Variants in TUSC3 observed in about 807,000 individuals in gnomAD.
TUSC3 encodes the protein dolichyl-diphosphooligosaccharide--protein glycosyltransferase subunit TUSC3.
Under a neutral mutation model 44.8 loss-of-function variants are expected in TUSC3, and 45 were observed. The observed-to-expected ratio is 1.00, with a 90% CI of 0.79 to 1.29. The LOEUF is 1.29. TUSC3 is among the 50% of genes most tolerant of loss of function. The pLI, the probability that TUSC3 is intolerant of heterozygous loss-of-function variation, is 0.00. For missense variants in TUSC3, 519 were observed against 437.9 expected, an observed-to-expected ratio of 1.19 and a Z score of -1.65; for synonymous variants, 212 against 152.9, an observed-to-expected ratio of 1.39 and a Z score of -2.85.
At chr8:15,583,576 T>C (rs1427779541) in intron 1 of TUSC3, among the ~76,000 whole-genome samples, 3 of 152,210 alleles carry the variant, frequency 2.0e-5, no homozygotes, top group East Asian at 1.9e-4. Context: ...ATGGTAAATA[T>C]ATGCATTCAA....
chr8:15,727,586 C>T (rs1384355179), intron 6 of TUSC3, among the ~76,000 whole-genome samples: 1 of 151,794 alleles, frequency 6.6e-6, no homozygotes, highest in Non-Finnish European at 1.5e-5. Flanking sequence ...AAGACACACA[C>T]AAAAAAAGAA....
At chr8:15,802,900 A>C in the TUSC3 span, among the ~76,000 whole-genome samples, 1 of 152,332 alleles carries the variant, frequency 6.6e-6, no homozygotes, top group Non-Finnish European at 1.5e-5. Flanking sequence ...GTTTTCTTAA[A>C]AAAATCAAGA....
intron 1 of TUSC3, among the ~76,000 whole-genome samples, chr8:15,615,370 C>G (rs1302795225): frequency 6.6e-6 from 1 of 152,142 alleles, no homozygotes; most frequent in Non-Finnish European, 1.5e-5. Flanking sequence ...AAAAGACAAA[C>G]ATCACATGTT....
intron 1 of TUSC3, among the ~76,000 whole-genome samples, chr8:15,566,141 CA>C (rs1802662421): frequency 6.6e-6 from 1 of 152,114 alleles, no homozygotes; most frequent in African/African-American, 2.4e-5. Flanking sequence ...CTTCTCTAGA[CA>C]ACGTTATCAG....
intron 1 of TUSC3, among the ~76,000 whole-genome samples, chr8:15,464,988 T>G (rs1483254499): frequency 6.6e-6 from 1 of 152,122 alleles, no homozygotes; most frequent in African/African-American, 2.4e-5. Context: ...TAGGTGGGAT[T>G]ACAGGCACCT....
At position 15,658,851 on chromosome 8, in the gene TUSC3, G is replaced by T. The variant is rs34502303; in HGVS notation, c.427-656G>T. On this transcript the variant is annotated intron_variant, in intron 3 of 10. Coordinates refer to ENST00000503731, the MANE Select transcript of TUSC3 (RefSeq NM_006765.4). The stretch of plus-strand genomic sequence containing the variant: ...TATACTTTTCAAATGGAAATTACCT[G>T]TAGAAAATATTTCTGAAATATAATC... Among the ~76,000 whole-genome samples, 740 of 151,970 alleles carry T rather than the reference G, an allele frequency of 4.9e-3. 6 individuals carry two copies. The highest frequency in any genetic ancestry group is 0.017 in the African/African-American group (703 of 41,504).
rs540307925 is a variant in TUSC3, at chr8:15,514,528, A to G, written n.189+31045A>G. ...TGAACTGTAGACTTACCTTACAATC[A>G]TGCTGAAAACGGAACTCCGCTTCTT... is the stretch of plus-strand genomic sequence containing the variant. On this transcript the variant is annotated intron_variant and non_coding_transcript_variant, in intron 2 of 5. Coordinates refer to the TUSC3 transcript ENST00000503191. Among the ~76,000 whole-genome samples, 245 of 152,296 alleles carry G rather than the reference A, an allele frequency of 1.6e-3. 3 individuals are homozygous for G. Among genetic ancestry groups the G allele is most frequent in the African/African-American group, 5.7e-3 (235 of 41,578 alleles).
chr8:15,548,581 G>A (rs941498221), intron 1 of TUSC3, among the ~76,000 whole-genome samples: 5 of 151,730 alleles, frequency 3.3e-5, no homozygotes, highest in African/African-American at 1.2e-4. Flanking sequence ...GGAAGAACTG[G>A]GTACTTGATG....
chr8:15,677,665 G>C (rs1030490533), intron 6 of TUSC3, among the ~76,000 whole-genome samples: 2 of 152,252 alleles, frequency 1.3e-5, no homozygotes, highest in African/African-American at 4.8e-5. Context: ...AAAACTGGTA[G>C]ATAGCAGTGC....
the TUSC3 span, among the ~76,000 whole-genome samples, chr8:15,851,981 T>A: frequency 3.9e-5 from 6 of 152,228 alleles, no homozygotes; most frequent in East Asian, 1.2e-3. Context: ...TCTCATTTTT[T>A]CTCTTGTCTC....
rs578215335 is a variant in TUSC3, at chr8:15,546,578, C to T, written c.138+6010C>T. On this transcript the variant is annotated intron_variant, in intron 1 of 10. Transcript: ENST00000503731. The stretch of plus-strand genomic sequence containing the variant: ...GAGACAGAGTTTTGCTCTTGTTGCC[C>T]AGGCTGGAGTGCAATGGCGCAAACT... Among the ~76,000 whole-genome samples, 6 of 151,634 alleles carry T rather than the reference C, an allele frequency of 4.0e-5. No homozygotes were observed. In the East Asian group the frequency reaches 1.2e-3, roughly 30 times the overall value.
chr8:15,622,073 G>T (rs908963617), intron 1 of TUSC3, among the ~76,000 whole-genome samples: 35 of 152,030 alleles, frequency 2.3e-4, no homozygotes, highest in African/African-American at 8.5e-4. Context: ...TTTCACCTGA[G>T]AGGAGAGGGG....
At chr8:15,826,975 C>T in the TUSC3 span, among the ~76,000 whole-genome samples, 1,653 of 152,224 alleles carry the variant, frequency 0.011, 34 homozygotes, top group African/African-American at 0.038. Flanking sequence ...TTGATTGCTG[C>T]AGAGGTTGCA....
At chr8:15,774,418 G>A in the TUSC3 span, among the ~76,000 whole-genome samples, 3 of 152,102 alleles carry the variant, frequency 2.0e-5, no homozygotes, top group African/African-American at 7.2e-5. Flanking sequence ...GATACAGGGA[G>A]AAAACCATAT....
At chr8:15,523,169 G>C (rs958467110) in intron 2 of TUSC3, among the ~76,000 whole-genome samples, 4 of 152,100 alleles carry the variant, frequency 2.6e-5, no homozygotes, top group African/African-American at 9.7e-5. Flanking sequence ...AATGGTCAAT[G>C]GTTGCATGAT....
chr8:15,513,304 C>T (rs1212054359), intron 2 of TUSC3, among the ~76,000 whole-genome samples: 1 of 151,948 alleles, frequency 6.6e-6, no homozygotes, highest in Non-Finnish European at 1.5e-5. Context: ...GTAAAAAAAA[C>T]TTACTCATAA....
chr8:15,761,857 G>A (rs938734675), intron 10 of TUSC3, among the ~76,000 whole-genome samples: 1 of 152,000 alleles, frequency 6.6e-6, no homozygotes. Context: ...CAATATCCAG[G>A]CACTCCTGAA....
intron 1 of TUSC3, among the ~76,000 whole-genome samples, chr8:15,572,166 C>T (rs934400808): frequency 2.0e-5 from 3 of 152,204 alleles, no homozygotes; most frequent in African/African-American, 7.2e-5. Flanking sequence ...GTTTAGTCTA[C>T]TCTGAACATC....
At chr8:15,460,840 G>C (rs923685899) in intron 1 of TUSC3, among the ~76,000 whole-genome samples, 1 of 152,058 alleles carries the variant, frequency 6.6e-6, no homozygotes, top group Non-Finnish European at 1.5e-5. Context: ...TTGGCTGTAA[G>C]TATTTGGGTT....
Sources: gnomAD v4.1 joint callset for allele counts (sites outside exome capture counted in the v4.1 genomes callset) on GRCh38, gnomAD v4.1.1 for gene constraint, MANE v1.5 for transcripts, NCBI Gene and HGNC (gene_info 2026-07-23, HGNC 2026-07-21) for gene names.